NDC80: variants seen among roughly 807,000 people sequenced by gnomAD.
NDC80 encodes kinetochore protein NDC80 homolog.
A neutral mutation model predicts 89.3 loss-of-function variants in NDC80; 69 were observed. That is an observed-to-expected ratio of 0.77 (90% CI 0.64 to 0.94). The LOEUF (loss-of-function observed/expected upper bound fraction) is 0.94, where lower values mean the gene tolerates loss of function less well. Among genes scored for constraint, NDC80 ranks in the 40% least tolerant of loss-of-function variants. The probability of loss-of-function intolerance (pLI) is 0.00; values close to 1 mark genes in which losing one functional copy is unlikely to be tolerated. For missense variants in NDC80, 593 were observed against 739.6 expected, an observed-to-expected ratio of 0.80 and a Z score of 2.30; for synonymous variants, 243 against 255.6, an observed-to-expected ratio of 0.95 and a Z score of 0.47.
chr18:2,590,611 G>T (rs985586535), intron 10 of NDC80, among the ~76,000 whole-genome samples: 1 of 152,040 alleles, frequency 6.6e-6, no homozygotes, highest in African/African-American at 2.4e-5. Flanking sequence ...TGAGATTTAG[G>T]GCCCACCTGG....
chr18:2,610,661 T>G, intron 15 of NDC80, 98 bp from the exon 16 acceptor site: 1 of 621,926 alleles, frequency 1.6e-6, no homozygotes, highest in South Asian at 3.0e-5. Flanking sequence ...TCAATCACAG[T>G]TTGGTTTTTT....
At position 2,595,464 on chromosome 18, in the gene NDC80, T is replaced by C. The variant is rs372864107; in HGVS notation, c.1064T>C (p.Ile355Thr). Residue 355 changes from isoleucine (I) to threonine (T), a missense_variant, in exon 11 of 17, where the codon ATC (isoleucine) becomes ACC (threonine). Ile to Thr is a moderately conservative substitution (Grantham distance 89). Transcript: ENST00000261597. ...IKQENTRLQNIIDNQKYSVAD... is the reference protein window; with the variant it reads ...IKQENTRLQNTIDNQKYSVAD... ...CAGGAGAACACTCGACTACAGAATA[T>C]CATTGACAACCAGAAGTACTCAGTT... The C allele has an allele frequency of 7.4e-6, 12 of 1,613,794 alleles. No homozygotes were observed. The highest frequency in any genetic ancestry group is 1.3e-5 in the African/African-American group (1 of 74,980).
intron 14 of NDC80, among the ~76,000 whole-genome samples, chr18:2,608,024 A>AT (rs1256826997): frequency 8.3e-6 from 1 of 121,134 alleles, no homozygotes; most frequent in Non-Finnish European, 1.7e-5. Context: ...CCCCTTATTA[A>AT]TTTTTTCCCT....
chr18:2,574,085 A>C (rs571680236), intron 2 of NDC80, among the ~76,000 whole-genome samples: 1 of 152,300 alleles, frequency 6.6e-6, no homozygotes, highest in South Asian at 2.1e-4. Context: ...TCCTACCTAC[A>C]CTTTTCTTTC....
chr18:2,596,099 G>T (rs1176681816), intron 11 of NDC80, among the ~76,000 whole-genome samples: 1 of 152,216 alleles, frequency 6.6e-6, no homozygotes, highest in African/African-American at 2.4e-5. Flanking sequence ...ACAGGGTACT[G>T]AGGAAACATA....
intron 10 of NDC80, among the ~76,000 whole-genome samples, chr18:2,590,375 C>T (rs187991108): frequency 2.6e-5 from 4 of 152,312 alleles, no homozygotes; most frequent in South Asian, 2.1e-4. Flanking sequence ...AATGTATTAT[C>T]GCACAGTTCT....
chr18:2,602,946 G>A (rs1313077289), intron 13 of NDC80, among the ~76,000 whole-genome samples: 1 of 152,108 alleles, frequency 6.6e-6, no homozygotes, highest in Non-Finnish European at 1.5e-5. Context: ...AGGATTTCAT[G>A]GCTGCATGTG....
chr18:2,589,129 G>A, intron 8 of NDC80, 75 bp from the exon 9 acceptor site: 3 of 908,616 alleles, frequency 3.3e-6, no homozygotes, highest in South Asian at 1.3e-5. Flanking sequence ...GAGGGAGGGA[G>A]TAATGGTGAA....
intron 14 of NDC80, among the ~76,000 whole-genome samples, chr18:2,608,000 A>ATATATATAT (rs2072723971): frequency 1.3e-4 from 5 of 39,200 alleles, no homozygotes; most frequent in South Asian, 1.1e-3. Flanking sequence ...TATATATATA[A>ATATATATAT]CTTATTTAGC....
At chr18:2,586,252 T>C (rs2072602323) in intron 7 of NDC80, among the ~76,000 whole-genome samples, 1 of 152,228 alleles carries the variant, frequency 6.6e-6, no homozygotes, top group Non-Finnish European at 1.5e-5. Context: ...CATTGCCTTT[T>C]TCTTTTTAAC....
rs55648444 is a variant in NDC80 at position 2,612,276 on chromosome 18, C to CTTTT, written c.1791+1445_1791+1448dup. On this transcript the variant is annotated intron_variant, in intron 16 of 16. Coordinates refer to ENST00000261597, the MANE Select transcript of NDC80 (RefSeq NM_006101.3). ...TAGCACCTCTGACTTTCTTTTCTTT[C>CTTTT]TTTTTTTTTTTTTTTTTTTTTTTTT... Among the ~76,000 whole-genome samples the CTTTT allele has an allele frequency of 8.4e-3, 505 of 60,402 alleles. 12 individuals carry two copies. Among genetic ancestry groups the CTTTT allele is most frequent in the African/African-American group, 0.011 (174 of 15,514 alleles). 39.6% of individuals were successfully genotyped at this position (60,402 alleles called of 152,430 possible). A position where few individuals can be genotyped will look rare whatever the true frequency, so the allele number is the denominator to read the frequency against.
At chr18:2,596,419 GA>G (rs552403694) in intron 11 of NDC80, among the ~76,000 whole-genome samples, 2,560 of 151,578 alleles carry the variant, frequency 0.017, 32 homozygotes, top group Non-Finnish European at 0.023. Context: ...AAAAACACAT[GA>G]AAAAATGCTC....
intron 6 of NDC80, among the ~76,000 whole-genome samples, chr18:2,581,043 C>T (rs1473728908): frequency 1.3e-5 from 2 of 151,762 alleles, no homozygotes; most frequent in African/African-American, 4.8e-5. Flanking sequence ...CCCGGCCCTC[C>T]AAGCCCATTA....
intron 7 of NDC80, among the ~76,000 whole-genome samples, chr18:2,586,208 G>C (rs1030628804): frequency 6.6e-6 from 1 of 152,164 alleles, no homozygotes; most frequent in Non-Finnish European, 1.5e-5. Context: ...CTGGGATGTA[G>C]TTCAAAGATA....
chr18:2,616,290 G>A (rs3786404), intron 16 of NDC80, 147 bp from the exon 17 acceptor site: 90,967 of 442,130 alleles, frequency 0.21, 11,081 homozygotes, highest in East Asian at 0.45. Context: ...CTCATAAAGT[G>A]CTGGGATTGC....
At chr18:2,573,188 G>A (rs73378213) in intron 2 of NDC80, 102 bp downstream of exon 2, 32,546 of 918,560 alleles carry the variant, frequency 0.035, 779 homozygotes, top group Middle Eastern at 0.075. Flanking sequence ...GTGATGTCTT[G>A]GTGAATCTTG....
chr18:2,585,078 G>A (rs6506019), intron 6 of NDC80, 35 bp from the exon 7 acceptor site: 540,824 of 1,534,640 alleles, frequency 0.35, 100,083 homozygotes, highest in African/African-American at 0.62. Context: ...GTGTTTTTCA[G>A]ATCAACTTGC....
At chr18:2,572,643 GAC>G (rs2072522547) in intron 1 of NDC80, among the ~76,000 whole-genome samples, 1 of 152,190 alleles carries the variant, frequency 6.6e-6, no homozygotes, top group Non-Finnish European at 1.5e-5. Flanking sequence ...CTGGGTAACA[GAC>G]AGGGCTTTAG....
intron 10 of NDC80, among the ~76,000 whole-genome samples, chr18:2,591,747 A>G (rs2072628459): frequency 1.3e-5 from 2 of 149,536 alleles, no homozygotes; most frequent in Non-Finnish European, 3.0e-5. Context: ...TAATGCAATT[A>G]ATCAATACTT....
Sources: allele counts gnomAD v4.1 joint callset (sites outside exome capture counted in the v4.1 genomes callset), GRCh38; gene constraint gnomAD v4.1.1; transcripts MANE v1.5; gene names NCBI Gene and HGNC (gene_info 2026-07-23, HGNC 2026-07-21).